The following ADGRL3 variants were observed in gnomAD, a reference collection of about 807,000 sequenced individuals.
ADGRL3 encodes the protein adhesion G protein-coupled receptor L3.
A neutral mutation model predicts 153.5 loss-of-function variants in ADGRL3; 62 were observed. That is an observed-to-expected ratio of 0.40 (90% CI 0.33 to 0.50). The LOEUF is 0.50. Ranked by LOEUF, ADGRL3 falls within the 20% of genes least tolerant of loss-of-function variation. ADGRL3 has a pLI of 0.47. For missense variants in ADGRL3, 1,641 were observed against 1,859.4 expected, an observed-to-expected ratio of 0.88 and a Z score of 2.16; for synonymous variants, 710 against 672.5, an observed-to-expected ratio of 1.06 and a Z score of -0.86.
At chr4:61,804,866 G>T (rs1288897187) in intron 8 of ADGRL3, among the ~76,000 whole-genome samples, 2 of 152,010 alleles carry the variant, frequency 1.3e-5, no homozygotes, top group African/African-American at 4.8e-5. Flanking sequence ...GGAGAGGGTT[G>T]GGGAGAGGTG....
chr4:61,779,437 A>G (rs1386325783), intron 8 of ADGRL3, among the ~76,000 whole-genome samples: 1 of 151,870 alleles, frequency 6.6e-6, no homozygotes, highest in Non-Finnish European at 1.5e-5. Flanking sequence ...GTTTGAGACC[A>G]GCCTGGCCAA....
intron 17 of ADGRL3, among the ~76,000 whole-genome samples, chr4:61,949,004 G>A (rs1053202101): frequency 1.1e-4 from 17 of 149,626 alleles, no homozygotes; most frequent in Admixed American, 2.0e-4. Context: ...GGAGGCCTAG[G>A]TCAGGAAACT....
At chr4:61,316,539 G>A (rs542139083) in intron 1 of ADGRL3, among the ~76,000 whole-genome samples, 2 of 152,308 alleles carry the variant, frequency 1.3e-5, no homozygotes, top group Admixed American at 1.3e-4. Flanking sequence ...ATTGTAAGAA[G>A]GAAGAATGAC....
chr4:61,352,918 AG>A (rs2096078150), intron 1 of ADGRL3, among the ~76,000 whole-genome samples: 1 of 152,190 alleles, frequency 6.6e-6, no homozygotes, highest in Admixed American at 6.5e-5. Flanking sequence ...TTTGAGTGAT[AG>A]ATATGAATTG....
At chr4:61,333,640 C>G (rs1025519127) in intron 1 of ADGRL3, among the ~76,000 whole-genome samples, 1 of 152,000 alleles carries the variant, frequency 6.6e-6, no homozygotes, top group African/African-American at 2.4e-5. Flanking sequence ...GTCTCCCAGG[C>G]TGGAATGCAG....
chr4:61,571,087 A>G (rs2098836659), intron 4 of ADGRL3, among the ~76,000 whole-genome samples: 1 of 152,040 alleles, frequency 6.6e-6, no homozygotes, highest in Non-Finnish European at 1.5e-5. Context: ...AGGGGATGCA[A>G]GAGATGATCT....
At chr4:61,809,069 G>T (rs914024060) in intron 8 of ADGRL3, among the ~76,000 whole-genome samples, 4 of 151,982 alleles carry the variant, frequency 2.6e-5, no homozygotes, top group Non-Finnish European at 4.4e-5. Flanking sequence ...AAATAATCAT[G>T]ATCAACAGTT....
At chr4:61,502,422 C>T (rs1204131186) in intron 3 of ADGRL3, among the ~76,000 whole-genome samples, 3 of 151,110 alleles carry the variant, frequency 2.0e-5, no homozygotes, top group Admixed American at 6.6e-5. Context: ...TGTTTTATAG[C>T]GTCTTCACAG....
intron 9 of ADGRL3, among the ~76,000 whole-genome samples, chr4:61,883,809 C>T (rs139202866): frequency 2.0e-5 from 3 of 152,092 alleles, no homozygotes; most frequent in African/African-American, 7.2e-5. Context: ...GATGTTGTAG[C>T]GTCCATAAGA....
chr4:61,900,905 A>G lies in ADGRL3; in HGVS notation c.1887+5071A>G, dbSNP rs138203606. On this transcript the variant is annotated intron_variant, in intron 11 of 26. Transcript: ENST00000683033. ...CATGCCTCCTGAAACATATGCGGCA[A>G]AATACCCGATTTCTCACCTATCTTA... 1.8e-3 allele frequency among the ~76,000 whole-genome samples: 272 copies of G among 152,326 alleles called. 2 individuals carry two copies. The highest frequency in any genetic ancestry group is 5.4e-3 in the African/African-American group (225 of 41,580).
At chr4:61,750,887 G>A (rs6816114) in intron 8 of ADGRL3, among the ~76,000 whole-genome samples, 13,099 of 151,988 alleles carry the variant, frequency 0.086, 1,208 homozygotes, top group African/African-American at 0.23. Flanking sequence ...TGGAATCTGG[G>A]CAAGCAAACA....
In ADGRL3 at chr4:61,793,002, T is replaced by G. The variant is rs373467659; in HGVS notation, c.1400-20807T>G. Among the ~76,000 whole-genome samples, 9 of 150,454 alleles carry G rather than the reference T, an allele frequency of 6.0e-5. 1 individual carries two copies. The highest frequency in any genetic ancestry group is 2.4e-5 in the African/African-American group (1 of 41,068). On this transcript the variant is annotated intron_variant, in intron 8 of 26. Coordinates refer to ENST00000683033, the MANE Select transcript of ADGRL3 (RefSeq NM_001387552.1). ...TACCAAAAAAAAAAAAAAAGTTGAT[T>G]GGAATCACAGTTCCATGTGGCTGGG...
In ADGRL3 at chr4:61,782,612, A is replaced by G. The variant is rs2097226862; in HGVS notation, c.1400-31197A>G. ...ATAGTACGGATAAATACACAGTCAC[A>G]TACCAAGGACACTGCTAATTTCACT... On this transcript the variant is annotated intron_variant, in intron 8 of 26. Transcript: ENST00000683033. Among the ~76,000 whole-genome samples the G allele has an allele frequency of 2.0e-5, 3 of 152,348 alleles. No homozygotes were observed. In the South Asian group the frequency reaches 6.2e-4, roughly 32 times the overall value.
At chr4:61,480,892 C>T (rs887550752) in intron 2 of ADGRL3, among the ~76,000 whole-genome samples, 8 of 152,048 alleles carry the variant, frequency 5.3e-5, no homozygotes, top group African/African-American at 1.7e-4. Context: ...GTATATGAAA[C>T]GGTGCTCAAC....
intron 13 of ADGRL3, among the ~76,000 whole-genome samples, chr4:61,928,574 T>C (rs2098804345): frequency 1.3e-5 from 2 of 152,208 alleles, no homozygotes; most frequent in South Asian, 4.1e-4. Context: ...TAATGAAATC[T>C]TGTTAAATTA....
intron 1 of ADGRL3, among the ~76,000 whole-genome samples, chr4:61,285,861 A>G (rs2093919786): frequency 1.3e-5 from 2 of 151,802 alleles, no homozygotes; most frequent in Non-Finnish European, 2.9e-5. Flanking sequence ...GACAGCTTTG[A>G]CATAGGTTTC....
chr4:61,708,805 T>A (rs1438817174), intron 6 of ADGRL3, among the ~76,000 whole-genome samples: 1 of 151,898 alleles, frequency 6.6e-6, no homozygotes, highest in Non-Finnish European at 1.5e-5. Context: ...TTATTCATTA[T>A]TTATTTATTT....
chr4:61,736,587 G>A (rs1396351304), intron 8 of ADGRL3, among the ~76,000 whole-genome samples: 1 of 152,194 alleles, frequency 6.6e-6, no homozygotes, highest in African/African-American at 2.4e-5. Context: ...GAACCTGGGA[G>A]GCGGAGGTTG....
At chr4:61,539,769 G>T (rs1174961341) in intron 4 of ADGRL3, among the ~76,000 whole-genome samples, 7 of 152,108 alleles carry the variant, frequency 4.6e-5, no homozygotes, top group Admixed American at 3.3e-4. Flanking sequence ...CAATTTGGTG[G>T]TAAGCATATT....
Sources: allele counts gnomAD v4.1 joint callset (sites outside exome capture counted in the v4.1 genomes callset), GRCh38; gene constraint gnomAD v4.1.1; transcripts MANE v1.5; gene names NCBI Gene and HGNC (gene_info 2026-07-23, HGNC 2026-07-21).